The following KLHL5 variants were observed in gnomAD, a reference collection of about 807,000 sequenced individuals.
KLHL5 encodes the protein kelch like family member 5.
A neutral mutation model predicts 77.7 loss-of-function variants in KLHL5; 48 were observed. The ratio of observed to expected loss-of-function variants is 0.62; its 90% CI spans 0.49 to 0.79. KLHL5 has a LOEUF of 0.79. KLHL5 is among the 30% of genes least tolerant of loss of function. The pLI is 0.00. For missense variants in KLHL5, 723 were observed against 859.7 expected (o/e 0.84, Z 1.99); for synonymous variants, 260 against 297.0 (o/e 0.88, Z 1.28).
At chr4:39,077,708 A>C (rs1719202155) in intron 2 of KLHL5, among the ~76,000 whole-genome samples, 1 of 150,596 alleles carries the variant, frequency 6.6e-6, no homozygotes, top group Non-Finnish European at 1.5e-5. Flanking sequence ...AAAAAAAAAA[A>C]ACAAAAAACA....
the KLHL5 span, among the ~76,000 whole-genome samples, chr4:39,136,145 T>G: frequency 6.6e-6 from 1 of 151,332 alleles, no homozygotes; most frequent in East Asian, 1.9e-4. Context: ...TTTTTAAAAA[T>G]CATTTCCCTT....
Position 39,062,434 on chromosome 4 carries a change from C to A in KLHL5, c.-219C>A. On this transcript the variant is annotated 5_prime_UTR_variant, in exon 1 of 11. Transcript: ENST00000504108. ...GTTTGCTCTGATTGAACGGAATGTT[C>A]CACCGTGTTTCATCTTTATTCATTA... 6.6e-7 allele frequency: 1 copy of A among 1,518,200 alleles called. No homozygotes were observed. Among genetic ancestry groups the A allele is most frequent in the Non-Finnish European group, 8.8e-7 (1 of 1,139,802 alleles). 94.0% of individuals were successfully genotyped at this position (1,518,200 alleles called of 1,614,324 possible). A position where few individuals can be genotyped will look rare whatever the true frequency, so the allele number is the denominator to read the frequency against.
chr4:39,112,904 G>A, intron 8 of KLHL5, 116 bp from the exon 9 acceptor site: 1 of 815,672 alleles, frequency 1.2e-6, no homozygotes, highest in African/African-American at 1.7e-5. Context: ...CATTGACAGT[G>A]TGTTTTATAA....
chr4:39,128,908 G>A (rs1038782018), downstream of KLHL5, among the ~76,000 whole-genome samples: 1 of 152,300 alleles, frequency 6.6e-6, no homozygotes, highest in East Asian at 1.9e-4. Context: ...CAAGGCTGCA[G>A]TGAGCTACGA....
chr4:39,060,307 A>G (rs1717304501), upstream of KLHL5, among the ~76,000 whole-genome samples: 1 of 152,172 alleles, frequency 6.6e-6, no homozygotes, highest in Non-Finnish European at 1.5e-5. Flanking sequence ...GGCGTCAGCA[A>G]TGATTACCAT....
rs750615631 is a variant in KLHL5, at chr4:39,081,106, G to A, written c.570G>A (p.Leu190=). 5.0e-6 allele frequency: 8 copies of A among 1,603,988 alleles called. No homozygotes were observed. The highest frequency in any genetic ancestry group is 2.5e-6 in the Non-Finnish European group (3 of 1,177,030). ...AGDRRIPAHR[L]VLSSVSDYFA... The stretch of plus-strand genomic sequence containing the variant: ...TTTTTTCCTAATGTGTTCACAGATT[G>A]GTGCTCTCCTCTGTCTCAGACTATT... Residue 190 remains leucine (L), a synonymous_variant, in exon 3 of 11, where the codon TTG becomes TTA. Transcript: ENST00000504108. The surrounding 1 kb of genome is among the most constrained non-coding windows in gnomAD (Gnocchi z 4.3).
intron 7 of KLHL5, among the ~76,000 whole-genome samples, chr4:39,104,551 G>C (rs529983329): frequency 3.9e-5 from 6 of 152,086 alleles, no homozygotes; most frequent in Admixed American, 3.9e-4. Flanking sequence ...CAGCTGTTTC[G>C]TGCAGATGAC....
At chr4:39,136,341 G>C in the KLHL5 span, among the ~76,000 whole-genome samples, 1 of 152,032 alleles carries the variant, frequency 6.6e-6, no homozygotes, top group East Asian at 1.9e-4. Context: ...TGTATTTTTA[G>C]TAGAGACGCG....
intron 1 of KLHL5, among the ~76,000 whole-genome samples, chr4:39,056,907 C>T (rs779114752): frequency 2.0e-5 from 3 of 152,166 alleles, no homozygotes; most frequent in East Asian, 1.9e-4. Context: ...CAACTTCAAC[C>T]GCCCTTTCAG....
rs1327359356 is a variant in KLHL5, at chr4:39,122,054, T to TA, written c.*994dup. 6.6e-6 allele frequency: 1 copy of TA among 152,648 alleles called. No individual in the cohort carries two copies. Among genetic ancestry groups the TA allele is most frequent in the African/African-American group, 2.4e-5 (1 of 41,456 alleles). 9.5% of individuals were successfully genotyped at this position (152,648 alleles called of 1,614,324 possible). On this transcript the variant is annotated 3_prime_UTR_variant, in exon 11 of 11. Transcript: ENST00000504108. ...TGGGAGAATGGGCTTATTGAATGTCTAAAAAATAAGTTTAAAGTGTTTGTT... is the reference window on the plus strand; with the variant it reads ...TGGGAGAATGGGCTTATTGAATGTCTAAAAAAATAAGTTTAAAGTGTTTGTT...
chr4:39,093,227 T>A (rs1024626147), intron 5 of KLHL5: 1 of 440,914 alleles, frequency 2.3e-6, no homozygotes, highest in Non-Finnish European at 4.5e-6. Flanking sequence ...GTCTCAAAAG[T>A]GTGCTAAGGG....
intron 7 of KLHL5, 128 bp from the exon 8 acceptor site, chr4:39,107,441 T>C (rs538364751): frequency 7.6e-5 from 19 of 250,218 alleles, no homozygotes; most frequent in African/African-American, 4.5e-4. Context: ...GACACTTGTC[T>C]GCATCATAAA....
downstream of KLHL5, among the ~76,000 whole-genome samples, chr4:39,131,529 C>T (rs1170386790): frequency 6.6e-6 from 1 of 152,056 alleles, no homozygotes; most frequent in Non-Finnish European, 1.5e-5. Flanking sequence ...CAGAATGAAA[C>T]ATAAAATATG....
chr4:39,104,922 C>T (rs1721904474), intron 7 of KLHL5, among the ~76,000 whole-genome samples: 1 of 151,900 alleles, frequency 6.6e-6, no homozygotes, highest in East Asian at 1.9e-4. Flanking sequence ...TGTGCCACCA[C>T]GCCCAGCTAA....
At chr4:39,084,382 G>A (rs939687261) in intron 4 of KLHL5, among the ~76,000 whole-genome samples, 5 of 152,148 alleles carry the variant, frequency 3.3e-5, no homozygotes, top group African/African-American at 1.2e-4. Context: ...CTTAAGACTG[G>A]TTGTATGATT....
intron 7 of KLHL5, among the ~76,000 whole-genome samples, chr4:39,105,558 TAG>T (rs1408753539): frequency 1.3e-5 from 2 of 151,746 alleles, no homozygotes; most frequent in African/African-American, 4.8e-5. Context: ...TATGTAAAAT[TAG>T]AGATATACAT....
chr4:39,085,311 G>A (rs562233803), intron 4 of KLHL5, among the ~76,000 whole-genome samples: 4 of 152,224 alleles, frequency 2.6e-5, no homozygotes, highest in African/African-American at 9.6e-5. Context: ...TCTACTGATA[G>A]GAATGTCAAG....
chr4:39,080,575 T>TA (rs1577680907), intron 2 of KLHL5, among the ~76,000 whole-genome samples: 1 of 151,586 alleles, frequency 6.6e-6, no homozygotes, highest in East Asian at 1.9e-4. Context: ...ATTAAAAACT[T>TA]AGAGACATAG....
At chr4:39,136,594 AG>A in the KLHL5 span, among the ~76,000 whole-genome samples, 1 of 148,902 alleles carries the variant, frequency 6.7e-6, no homozygotes, top group South Asian at 2.2e-4. Flanking sequence ...GGTGGGCTAC[AG>A]GGTGGGTGAC....
Sources: gnomAD v4.1 joint callset for allele counts (sites outside exome capture counted in the v4.1 genomes callset) on GRCh38, gnomAD v4.1.1 for gene constraint, Gnocchi (gnomAD v3.1) non-coding constraint, MANE v1.5 for transcripts, NCBI Gene and HGNC (gene_info 2026-07-23, HGNC 2026-07-21) for gene names.